Variants in USP6NL observed in about 807,000 individuals in gnomAD.
USP6NL encodes the protein USP6 N-terminal-like protein.
USP6NL carries 26 observed loss-of-function variants against 61.9 expected under a neutral mutation model. That is an observed-to-expected ratio of 0.42 (90% confidence interval 0.31 to 0.58). The LOEUF is 0.58. Among genes scored for constraint, USP6NL ranks in the 20% least tolerant of loss-of-function variants. The pLI is 0.16. For synonymous variants in USP6NL, 432 were observed against 390.1 expected (o/e 1.11, Z -1.27); for missense variants, 1,114 against 1,034.3 (o/e 1.08, Z -1.06).
rs901147566 is a variant in USP6NL at position 11,511,872 on chromosome 10, C to T, written c.196-2197G>A. Among the ~76,000 whole-genome samples, 6 of 151,726 alleles carry T rather than the reference C, an allele frequency of 4.0e-5. No individual in the cohort carries two copies. The highest frequency in any genetic ancestry group is 2.1e-4 in the South Asian group (1 of 4,802). ...ACACCCCTTGGGAAGCTATAGGATC[C>T]GAAAATTATGTATCAGTATTCAATC... On this transcript the variant is annotated intron_variant, in intron 5 of 14. Coordinates refer to ENST00000609104, the MANE Select transcript of USP6NL (RefSeq NM_014688.5). The surrounding 1 kb of genome is among the most constrained non-coding windows in gnomAD (Gnocchi z 4.9).
intron 5 of USP6NL, among the ~76,000 whole-genome samples, chr10:11,516,363 G>C (rs1014169070): frequency 1.3e-5 from 2 of 152,184 alleles, no homozygotes; most frequent in Admixed American, 6.5e-5. Context: ...AGACCAGCAA[G>C]GCTATCATTT....
intron 6 of USP6NL, among the ~76,000 whole-genome samples, chr10:11,505,337 A>C (rs1002456323): frequency 4.6e-5 from 7 of 152,312 alleles, no homozygotes; most frequent in African/African-American, 7.2e-5. Flanking sequence ...TTTCTAAATT[A>C]ATTCATTCAT....
chr10:11,547,277 CATATTGTCATACGTA>C (rs1289193157), intron 2 of USP6NL, among the ~76,000 whole-genome samples: 2 of 152,190 alleles, frequency 1.3e-5, no homozygotes, highest in Admixed American at 1.3e-4. Context: ...TTTTCTCAAG[CATATTGTCATACGTA>C]AACTCAAACA....
intron 7 of USP6NL, among the ~76,000 whole-genome samples, chr10:11,498,989 C>T (rs1377830414): frequency 5.9e-5 from 9 of 152,206 alleles, no homozygotes; most frequent in African/African-American, 2.2e-4. Context: ...ATACGTTCTT[C>T]AATACCACCC....
At chr10:11,590,333 G>A (rs1343543467) in intron 2 of USP6NL, among the ~76,000 whole-genome samples, 3 of 152,144 alleles carry the variant, frequency 2.0e-5, no homozygotes, top group Non-Finnish European at 4.4e-5. Flanking sequence ...CAGGAAATGA[G>A]ATTTCTGTAC....
chr10:11,508,722 C>CTGCACAACCAAG (rs1834565832), intron 6 of USP6NL, among the ~76,000 whole-genome samples: 1 of 152,236 alleles, frequency 6.6e-6, no homozygotes, highest in Non-Finnish European at 1.5e-5. Context: ...GAGCTCTGTG[C>CTGCACAACCAAG]TGCACAACCA....
At chr10:11,557,466 A>C (rs557626561) in intron 2 of USP6NL, among the ~76,000 whole-genome samples, 1 of 152,352 alleles carries the variant, frequency 6.6e-6, no homozygotes, top group East Asian at 1.9e-4. Context: ...TTACCACAGA[A>C]AGCAGTGTGA....
intron 2 of USP6NL, among the ~76,000 whole-genome samples, chr10:11,555,222 C>T (rs564570232): frequency 1.4e-5 from 2 of 146,814 alleles, no homozygotes; most frequent in African/African-American, 5.0e-5. Flanking sequence ...TTGACACCGG[C>T]CTGGCCAACA....
Position 11,591,381 on chromosome 10 carries a change from C to T in USP6NL, c.4+6250G>A, listed in dbSNP as rs901860949. ...AATACGTTGTAGATCTAAAAGAAAACGTTTAATAACAGGTCTATAAAAACT... is the reference window on the plus strand; with the variant it reads ...AATACGTTGTAGATCTAAAAGAAAATGTTTAATAACAGGTCTATAAAAACT... On this transcript the variant is annotated intron_variant, in intron 2 of 14. Coordinates refer to ENST00000609104, the MANE Select transcript of USP6NL (RefSeq NM_014688.5). This position sits in a 1 kb window ranked among gnomAD's most constrained non-coding sequence, Gnocchi z 4.7. 8.6e-5 allele frequency among the ~76,000 whole-genome samples: 13 copies of T among 151,756 alleles called. No homozygotes were observed. The highest frequency in any genetic ancestry group is 1.5e-4 in the Non-Finnish European group (10 of 67,936).
intron 2 of USP6NL, among the ~76,000 whole-genome samples, chr10:11,569,616 G>A (rs374355027): frequency 9.2e-5 from 14 of 152,272 alleles, no homozygotes; most frequent in Non-Finnish European, 1.5e-4. Flanking sequence ...AAGGCTGATC[G>A]ATAAGGAATG....
intron 2 of USP6NL, among the ~76,000 whole-genome samples, chr10:11,545,303 G>A (rs1377666582): frequency 6.6e-6 from 1 of 152,130 alleles, no homozygotes; most frequent in Admixed American, 6.6e-5. Flanking sequence ...CCTTTCTGGG[G>A]AGAATGTCCT....
chr10:11,467,036 C>A lies in USP6NL; in HGVS notation c.1079-3187G>T, dbSNP rs537104677. ...TATCTCAATTTATCTTACTTAGACT[C>A]ATCATTTCAATCTGGGATCTCCCTG... On this transcript the variant is annotated intron_variant, in intron 14 of 14. Transcript: ENST00000609104. Among the ~76,000 whole-genome samples, 8 of 152,308 alleles carry A rather than the reference C, an allele frequency of 5.3e-5. No individual in the cohort carries two copies. The South Asian group carries it at 1.0e-3, about 20-fold the overall frequency.
intron 1 of USP6NL, among the ~76,000 whole-genome samples, chr10:11,609,097 C>T (rs1293404174): frequency 6.6e-6 from 1 of 152,144 alleles, no homozygotes; most frequent in Non-Finnish European, 1.5e-5. Flanking sequence ...CAGAGTCTCA[C>T]TCTGTGGCCC....
At chr10:11,526,394 C>T (rs764167755) in intron 3 of USP6NL, among the ~76,000 whole-genome samples, 1 of 152,164 alleles carries the variant, frequency 6.6e-6, no homozygotes, top group Non-Finnish European at 1.5e-5. Context: ...TATGAATCCC[C>T]AAGGCCCAGC....
At chr10:11,519,587 G>A (rs1348143503) in intron 4 of USP6NL, among the ~76,000 whole-genome samples, 13 of 152,200 alleles carry the variant, frequency 8.5e-5, no homozygotes, top group East Asian at 3.9e-4. Context: ...CTGAGACCGC[G>A]CCATTGCACT....
At chr10:11,556,502 A>G (rs1001721649) in intron 2 of USP6NL, among the ~76,000 whole-genome samples, 1 of 152,214 alleles carries the variant, frequency 6.6e-6, no homozygotes, top group African/African-American at 2.4e-5. Flanking sequence ...ATGTAAAAAA[A>G]CAGATATATG....
At chr10:11,577,194 A>C (rs1429872170) in intron 2 of USP6NL, among the ~76,000 whole-genome samples, 1 of 151,194 alleles carries the variant, frequency 6.6e-6, no homozygotes, top group Non-Finnish European at 1.5e-5. Context: ...AGTAGCTGGG[A>C]CTACAGGCGC....
At position 11,495,085 on chromosome 10, in the gene USP6NL, G is replaced by A. The variant is rs1833863000; in HGVS notation, c.385-1857C>T. 6.6e-6 allele frequency among the ~76,000 whole-genome samples: 1 copy of A among 152,192 alleles called. No homozygotes were observed. The highest frequency in any genetic ancestry group is 2.4e-5 in the African/African-American group (1 of 41,452). On this transcript the variant is annotated intron_variant, in intron 7 of 14. Coordinates refer to ENST00000609104, the MANE Select transcript of USP6NL (RefSeq NM_014688.5). The surrounding 1 kb of genome is among the most constrained non-coding windows in gnomAD (Gnocchi z 4.6). Reference sequence around the variant, plus strand: ...TAGACCTCGGTCCGCCTGGCAACGGGCGTCTTCCCAGATGCTGGCGTTACC... The same window carrying A: ...TAGACCTCGGTCCGCCTGGCAACGGACGTCTTCCCAGATGCTGGCGTTACC...
chr10:11,576,752 A>G (rs149561436), intron 2 of USP6NL, among the ~76,000 whole-genome samples: 7 of 152,376 alleles, frequency 4.6e-5, no homozygotes, highest in African/African-American at 1.7e-4. Flanking sequence ...AATTGACTGT[A>G]ACTTCATAAT....
Sources: allele counts gnomAD v4.1 joint callset (sites outside exome capture counted in the v4.1 genomes callset), GRCh38; gene constraint gnomAD v4.1.1; non-coding constraint Gnocchi (gnomAD v3.1); transcripts MANE v1.5; gene names NCBI Gene and HGNC (gene_info 2026-07-23, HGNC 2026-07-21).